The following ERBIN variants were observed in gnomAD, a reference collection of about 807,000 sequenced individuals.
ERBIN encodes erbb2 interacting protein.
Under a neutral mutation model 158.4 loss-of-function variants are expected in ERBIN, and 60 were observed. That is an observed-to-expected ratio of 0.38 (90% CI 0.31 to 0.47). The LOEUF (loss-of-function observed/expected upper bound fraction) is 0.47, where lower values mean the gene tolerates loss of function less well. Among genes scored for constraint, ERBIN ranks in the 20% least tolerant of loss-of-function variants. The pLI, the probability that ERBIN is intolerant of heterozygous loss-of-function variation, is 0.99. For synonymous variants in ERBIN, 594 were observed against 557.2 expected, an observed-to-expected ratio of 1.07 and a Z score of -0.93; for missense variants, 1,610 against 1,648.0, an observed-to-expected ratio of 0.98 and a Z score of 0.40.
chr5:66,025,511 A>G lies in ERBIN; in HGVS notation c.849A>G (p.Ile283Met). ...TGAAGAATATAACAACGCTTAAAAT[A>G]GATGAAAACCAGTTAATGTATCTGC... Reference protein sequence around the residue: ...GSLKNITTLKIDENQLMYLPD... With the variant: ...GSLKNITTLKMDENQLMYLPD... The change falls in exon 11 of 26, where the codon ATA becomes ATG. Residue 283 changes from isoleucine (I) to methionine (M), a missense_variant. This residue lies in a region of ERBIN where 596 missense variants were observed against 711.9 expected (regional missense o/e 0.84). Coordinates refer to ENST00000284037, the MANE Select transcript of ERBIN (RefSeq NM_001253697.2). 1 of 1,612,554 alleles carries G rather than the reference A, an allele frequency of 6.2e-7. No individual in the cohort carries two copies. The highest frequency in any genetic ancestry group is 8.5e-7 in the Non-Finnish European group (1 of 1,178,884).
intron 21 of ERBIN, among the ~76,000 whole-genome samples, chr5:66,064,990 A>C (rs1040334257): frequency 6.6e-6 from 1 of 152,204 alleles, no homozygotes; most frequent in Non-Finnish European, 1.5e-5. Flanking sequence ...GTGAGCCACC[A>C]TGCCCTGCCA....
intron 1 of ERBIN, among the ~76,000 whole-genome samples, chr5:65,930,818 C>T (rs1213681667): frequency 6.6e-6 from 1 of 152,190 alleles, no homozygotes; most frequent in Non-Finnish European, 1.5e-5. Flanking sequence ...CCTCTTCTGT[C>T]CTACCTTTCA....
At chr5:65,952,622 T>C (rs1746649129) in intron 1 of ERBIN, among the ~76,000 whole-genome samples, 1 of 152,176 alleles carries the variant, frequency 6.6e-6, no homozygotes, top group Admixed American at 6.5e-5. Flanking sequence ...AAAAGGTATA[T>C]GGAAATAGAA....
At chr5:65,978,958 C>G (rs868429592) in intron 1 of ERBIN, among the ~76,000 whole-genome samples, 2 of 152,094 alleles carry the variant, frequency 1.3e-5, no homozygotes, top group African/African-American at 4.8e-5. Flanking sequence ...TTGACAAGAT[C>G]GAAAAGGTGA....
intron 14 of ERBIN, among the ~76,000 whole-genome samples, chr5:66,029,597 G>C (rs1026787714): frequency 6.6e-6 from 1 of 151,696 alleles, no homozygotes; most frequent in Non-Finnish European, 1.5e-5. Context: ...GTCCTGTCCT[G>C]TCTTGTCCTG....
At chr5:66,039,338 A>G (rs1329879433) in intron 15 of ERBIN, among the ~76,000 whole-genome samples, 1 of 151,904 alleles carries the variant, frequency 6.6e-6, no homozygotes, top group Non-Finnish European at 1.5e-5. Context: ...CATTTCACAT[A>G]AGGGATGCTT....
intron 1 of ERBIN, among the ~76,000 whole-genome samples, chr5:65,971,353 C>T (rs975433092): frequency 6.6e-6 from 1 of 151,474 alleles, no homozygotes; most frequent in Non-Finnish European, 1.5e-5. Context: ...GGTATTGAGC[C>T]CTTGAGCGTG....
chr5:65,996,184 T>C (rs1029596604), intron 4 of ERBIN, among the ~76,000 whole-genome samples: 2 of 151,876 alleles, frequency 1.3e-5, no homozygotes, highest in African/African-American at 4.8e-5. Context: ...ATCATTGTTA[T>C]AGCCATTGCC....
intron 1 of ERBIN, among the ~76,000 whole-genome samples, chr5:65,951,945 C>T (rs995636338): frequency 1.9e-4 from 29 of 152,224 alleles, no homozygotes; most frequent in African/African-American, 6.7e-4. Context: ...TTGGAACTGT[C>T]GCAAGTTTTG....
At chr5:65,946,098 C>G (rs1479270948) in intron 1 of ERBIN, among the ~76,000 whole-genome samples, 1 of 152,124 alleles carries the variant, frequency 6.6e-6, no homozygotes, top group Non-Finnish European at 1.5e-5. Flanking sequence ...GGCATGGTAG[C>G]TCATGCCTGT....
At chr5:65,944,029 T>A (rs1282285062) in intron 1 of ERBIN, among the ~76,000 whole-genome samples, 1 of 152,200 alleles carries the variant, frequency 6.6e-6, no homozygotes, top group Admixed American at 6.5e-5. Context: ...TACCACATTT[T>A]GCTTATCCAT....
intron 14 of ERBIN, among the ~76,000 whole-genome samples, chr5:66,035,648 T>C (rs10073699): frequency 0.058 from 8,772 of 152,288 alleles, 882 homozygotes; most frequent in African/African-American, 0.2. Flanking sequence ...ACACTGGTAT[T>C]TGTAGCCTTA....
chr5:66,075,351 A>G, intron 23 of ERBIN, 121 bp downstream of exon 23: 1 of 825,518 alleles, frequency 1.2e-6, no homozygotes, highest in Non-Finnish European at 1.9e-6. Flanking sequence ...TTAAAGTTTT[A>G]TTTTTATGTT....
rs371581437 is a variant in ERBIN at position 65,954,402 on chromosome 5, G to C, written c.-58+27596G>C. 3.3e-5 allele frequency among the ~76,000 whole-genome samples: 5 copies of C among 152,260 alleles called. No homozygotes were observed. The East Asian group carries it at 7.7e-4, about 24-fold the overall frequency. ...GTTGTGCAAGAGATGAGAGTAACAG[G>C]TGAGAGTACTATACTGTATTAGAAA... On this transcript the variant is annotated intron_variant, in intron 1 of 25. Coordinates refer to ENST00000284037, the MANE Select transcript of ERBIN (RefSeq NM_001253697.2).
In ERBIN at chr5:65,977,226, G is replaced by A. The variant is rs1380086329; in HGVS notation, c.-57-11409G>A. Among the ~76,000 whole-genome samples, 5 of 144,386 alleles carry A rather than the reference G, an allele frequency of 3.5e-5. No homozygotes were observed. In the East Asian group the frequency reaches 1.0e-3, roughly 30 times the overall value. 94.7% of individuals were successfully genotyped at this position (144,386 alleles called of 152,430 possible). A position where few individuals can be genotyped will look rare whatever the true frequency, so the allele number is the denominator to read the frequency against. ...CCCCCCCACCTCCCTCCCGGATGGGGCGGCTGGCCGGGCGGGGGGCTGACC... is the reference window on the plus strand; with the variant it reads ...CCCCCCCACCTCCCTCCCGGATGGGACGGCTGGCCGGGCGGGGGGCTGACC... On this transcript the variant is annotated intron_variant, in intron 1 of 25. Transcript: ENST00000284037.
At chr5:65,958,111 G>T (rs1365111730) in intron 1 of ERBIN, among the ~76,000 whole-genome samples, 2 of 151,978 alleles carry the variant, frequency 1.3e-5, no homozygotes. Context: ...TGGCGGCCGG[G>T]AAGAGGCGCT....
intron 7 of ERBIN, among the ~76,000 whole-genome samples, chr5:66,020,331 T>C (rs1446685373): frequency 6.6e-6 from 1 of 152,084 alleles, no homozygotes; most frequent in Non-Finnish European, 1.5e-5. Context: ...TACTAATTTT[T>C]GTTAAAATTC....
chr5:65,993,672 G>T (rs186038386), intron 3 of ERBIN, among the ~76,000 whole-genome samples: 2 of 152,066 alleles, frequency 1.3e-5, no homozygotes, highest in Admixed American at 1.3e-4. Context: ...CGTGCGTGGA[G>T]ACCCATTGGT....
At position 66,081,653 on chromosome 5, in the gene ERBIN, AAG is replaced by A. The variant is rs1386333647; in HGVS notation, c.*3124_*3125del. ...AACCCTGTATATCTAGGTGTGGAAG[AAG>A]TGTAGTTTATCTCAAATTATTATTA... On this transcript the variant is annotated 3_prime_UTR_variant, in exon 26 of 26. Coordinates refer to ENST00000284037, the MANE Select transcript of ERBIN (RefSeq NM_001253697.2). The A allele has an allele frequency of 6.6e-6, 1 of 152,028 alleles. No individual in the cohort carries two copies. Among genetic ancestry groups the A allele is most frequent in the Admixed American group, 6.6e-5 (1 of 15,258 alleles). The allele number at this position is 152,028 out of a possible 1,614,324, so 9.4% of individuals were successfully genotyped here.
Sources: gnomAD v4.1 joint callset for allele counts (sites outside exome capture counted in the v4.1 genomes callset) on GRCh38, gnomAD v4.1.1 for gene constraint, gnomAD v4.1.1 regional missense constraint, MANE v1.5 for transcripts, NCBI Gene and HGNC (gene_info 2026-07-23, HGNC 2026-07-21) for gene names.